Variants in LEKR1 observed in about 807,000 individuals in gnomAD.
LEKR1 encodes the protein leucine, glutamate and lysine rich 1, also known as protein LEKR1.
Under a neutral mutation model 72.4 loss-of-function variants are expected in LEKR1, and 59 were observed. The ratio of observed to expected loss-of-function variants is 0.82; its 90% CI spans 0.66 to 1.01. The LOEUF (loss-of-function observed/expected upper bound fraction) is 1.01, where lower values mean the gene tolerates loss of function less well. Among genes scored for constraint, LEKR1 ranks in the 50% least tolerant of loss-of-function variants. The pLI is 0.00. For missense variants in LEKR1, 728 were observed against 759.2 expected (o/e 0.96, Z 0.48); for synonymous variants, 257 against 263.2 (o/e 0.98, Z 0.23).
intron 9 of LEKR1, among the ~76,000 whole-genome samples, chr3:157,004,549 C>T (rs1477789479): frequency 6.6e-6 from 1 of 152,048 alleles, no homozygotes; most frequent in Non-Finnish European, 1.5e-5. Context: ...AGATTACTCA[C>T]TGAGACAGAC....
intron 7 of LEKR1, among the ~76,000 whole-genome samples, chr3:156,985,925 C>G (rs192662165): frequency 2.0e-5 from 3 of 151,772 alleles, no homozygotes; most frequent in Admixed American, 2.0e-4. Context: ...CACGAGGATC[C>G]TTATAAGAGG....
chr3:156,933,087 G>A (rs551833867), intron 5 of LEKR1, among the ~76,000 whole-genome samples: 152 of 152,150 alleles, frequency 1.0e-3, no homozygotes, highest in Non-Finnish European at 8.7e-4. Context: ...TGTGCTAGTC[G>A]CTAGTCATAT....
chr3:156,910,658 A>G (rs1664518053), intron 3 of LEKR1, among the ~76,000 whole-genome samples: 1 of 152,216 alleles, frequency 6.6e-6, no homozygotes, highest in Admixed American at 6.5e-5. Flanking sequence ...TGTTGCTGCA[A>G]AGGACATGAC....
chr3:156,926,038 A>G (rs1724688210), intron 4 of LEKR1, among the ~76,000 whole-genome samples: 1 of 152,076 alleles, frequency 6.6e-6, no homozygotes, highest in Non-Finnish European at 1.5e-5. Context: ...TTTTGATTAC[A>G]TCAAAGCAAA....
chr3:157,045,497 C>A lies in LEKR1; in HGVS notation c.1826C>A (p.Ser609Tyr), dbSNP rs531695047. The change falls in exon 13 of 13, where the codon TCC becomes TAC. Residue 609 changes from serine (S) to tyrosine (Y), a missense_variant. Transcript: ENST00000356539. ...TCCCTCAGCAAGGGCAGCCTAACCT[C>A]CCCTGCTGCAGCAGTCAGTAATCAT... Reference protein sequence around the residue: ...PCSLSKGSLTSPAAAVSNHGE... With the variant: ...PCSLSKGSLTYPAAAVSNHGE... 66 of 1,614,040 alleles carry A rather than the reference C, an allele frequency of 4.1e-5. No homozygotes were observed. Among genetic ancestry groups the A allele is most frequent in the Non-Finnish European group, 5.2e-5 (61 of 1,180,030 alleles).
chr3:156,838,123 G>A (rs948874055), intron 2 of LEKR1, among the ~76,000 whole-genome samples: 7 of 152,158 alleles, frequency 4.6e-5, no homozygotes, highest in African/African-American at 1.7e-4. Flanking sequence ...GGCCCGTGTT[G>A]TCTTTGATCC....
chr3:157,036,942 T>A (rs1481096369), intron 12 of LEKR1, among the ~76,000 whole-genome samples: 1 of 152,138 alleles, frequency 6.6e-6, no homozygotes, highest in Non-Finnish European at 1.5e-5. Context: ...TAACTCTGGA[T>A]GGAAGCTATG....
intron 6 of LEKR1, among the ~76,000 whole-genome samples, chr3:156,945,815 G>T (rs994972416): frequency 4.0e-5 from 6 of 151,640 alleles, no homozygotes; most frequent in Non-Finnish European, 7.4e-5. Context: ...CTCTGTGTCT[G>T]TTTTTATGTC....
At chr3:157,010,111 T>C (rs1162463179) in intron 9 of LEKR1, among the ~76,000 whole-genome samples, 3 of 152,060 alleles carry the variant, frequency 2.0e-5, no homozygotes, top group African/African-American at 4.8e-5. Context: ...TCTTTTTTAT[T>C]CCTAATTAGT....
chr3:156,847,203 A>C (rs910662502), intron 2 of LEKR1, among the ~76,000 whole-genome samples: 4 of 152,256 alleles, frequency 2.6e-5, no homozygotes, highest in Non-Finnish European at 4.4e-5. Flanking sequence ...AACTCTGGAA[A>C]GGATCTGAAG....
intron 6 of LEKR1, among the ~76,000 whole-genome samples, chr3:156,967,240 C>T (rs549197810): frequency 9.9e-5 from 15 of 152,268 alleles, no homozygotes; most frequent in South Asian, 4.1e-4. Context: ...TCCAAAGGAA[C>T]GCAGCTCCTC....
intron 3 of LEKR1, among the ~76,000 whole-genome samples, chr3:156,862,046 C>A (rs1230380682): frequency 6.6e-6 from 1 of 151,998 alleles, no homozygotes; most frequent in Non-Finnish European, 1.5e-5. Context: ...CTAAAACTGG[C>A]AAGGTTAAAG....
chr3:156,853,027 A>G (rs944431106), intron 3 of LEKR1, 45 bp downstream of exon 3: 72 of 1,260,218 alleles, frequency 5.7e-5, no homozygotes, highest in Non-Finnish European at 7.9e-5. Context: ...GTTGAAAGAC[A>G]GCTACAGGAA....
At chr3:156,941,802 A>T (rs1442045887) in intron 5 of LEKR1, among the ~76,000 whole-genome samples, 2 of 152,098 alleles carry the variant, frequency 1.3e-5, no homozygotes, top group African/African-American at 4.8e-5. Context: ...TGCAGAAAAG[A>T]CTGATGAACA....
At chr3:156,874,990 T>A in intron 3 of LEKR1, among the ~76,000 whole-genome samples, 1 of 152,230 alleles carries the variant, frequency 6.6e-6, no homozygotes, top group East Asian at 1.9e-4. Context: ...TGTGCTGTGA[T>A]AAACATGCAT....
At chr3:156,951,228 G>A (rs1229478863) in intron 6 of LEKR1, among the ~76,000 whole-genome samples, 3 of 151,666 alleles carry the variant, frequency 2.0e-5, no homozygotes, top group East Asian at 1.9e-4. Context: ...TTATCACGAC[G>A]TGTTAGCTTC....
At chr3:156,923,136 T>C (rs1724369225) in intron 4 of LEKR1, among the ~76,000 whole-genome samples, 1 of 152,214 alleles carries the variant, frequency 6.6e-6, no homozygotes. Context: ...CCCGTATCTT[T>C]TTAAAAACAT....
chr3:156,919,681 A>G (rs1191333649), intron 3 of LEKR1, among the ~76,000 whole-genome samples: 1 of 152,200 alleles, frequency 6.6e-6, no homozygotes, highest in African/African-American at 2.4e-5. Context: ...TATAGCAACT[A>G]CATGCTAACA....
intron 12 of LEKR1, among the ~76,000 whole-genome samples, chr3:157,041,631 C>T (rs140052425): frequency 6.0e-4 from 91 of 152,308 alleles, no homozygotes; most frequent in African/African-American, 2.2e-3. Context: ...TTGAAAACCT[C>T]ATTGCCCCTT....
Sources: gnomAD v4.1 joint callset for allele counts (sites outside exome capture counted in the v4.1 genomes callset) on GRCh38, gnomAD v4.1.1 for gene constraint, MANE v1.5 for transcripts, NCBI Gene and HGNC (gene_info 2026-07-23, HGNC 2026-07-21) for gene names.